The following NPR2 variants were observed in gnomAD, a reference collection of about 807,000 sequenced individuals.
NPR2 encodes the protein natriuretic peptide receptor 2.
Under a neutral mutation model 120.7 loss-of-function variants are expected in NPR2, and 49 were observed. That is an observed-to-expected ratio of 0.41 (90% CI 0.32 to 0.52). The LOEUF is 0.52. NPR2 is among the 20% of genes least tolerant of loss of function. NPR2 has a pLI of 0.36. For synonymous variants in NPR2, 484 were observed against 519.8 expected, an observed-to-expected ratio of 0.93 and a Z score of 0.94; for missense variants, 931 against 1,362.9, an observed-to-expected ratio of 0.68 and a Z score of 4.99.
chr9:35,799,590 C>A, intron 2 of NPR2, 28 bp from the exon 3 acceptor site: 2 of 1,496,222 alleles, frequency 1.3e-6, no homozygotes, highest in South Asian at 1.1e-5. Context: ...GAATCCTGTT[C>A]ACTCTTCCCC....
chr9:35,792,155 C>A lies in NPR2; in HGVS notation c.-254C>A. The A allele has an allele frequency of 8.6e-6, 4 of 466,208 alleles. No individual in the cohort carries two copies. The highest frequency in any genetic ancestry group is 3.9e-5 in the East Asian group (1 of 25,634). 28.9% of individuals were successfully genotyped at this position (466,208 alleles called of 1,614,324 possible). A position where few individuals can be genotyped will look rare whatever the true frequency, so the allele number is the denominator to read the frequency against. ...CCGCAGGCCCCCTCGGTCCCTCCCT[C>A]CCCCTGCCACCCCGTTCTCAGTCCT... On this transcript the variant is annotated 5_prime_UTR_variant, in exon 1 of 22. Transcript: ENST00000342694.
At chr9:35,804,707 T>C (rs1828300627) in intron 12 of NPR2, among the ~76,000 whole-genome samples, 1 of 152,040 alleles carries the variant, frequency 6.6e-6, no homozygotes. Context: ...TTGTTCCTCC[T>C]CTACCCCGAC....
chr9:35,793,146 G>A, intron 1 of NPR2, 71 bp downstream of exon 1: 2 of 1,446,354 alleles, frequency 1.4e-6, no homozygotes, highest in East Asian at 2.4e-5. Context: ...CAGCACTGGG[G>A]AACTGTAGAT....
At position 35,808,072 on chromosome 9, in the gene NPR2, C is replaced by T. The variant is rs1391978381; in HGVS notation, c.2713-437C>T. On this transcript the variant is annotated intron_variant, in intron 18 of 21. Transcript: ENST00000342694. The surrounding 1 kb of genome is among the most constrained non-coding windows in gnomAD (Gnocchi z 4.0). Reference sequence around the variant, plus strand: ...TCCTTAAAACAATGGCATTTATTCTCTTACATAGCTTTGGCACAATTACCA... The same window carrying T: ...TCCTTAAAACAATGGCATTTATTCTTTTACATAGCTTTGGCACAATTACCA... 2.4e-6 allele frequency: 2 copies of T among 842,436 alleles called. No individual in the cohort carries two copies. The highest frequency in any genetic ancestry group is 4.0e-6 in the Non-Finnish European group (2 of 496,642). 52.2% of individuals were successfully genotyped at this position (842,436 alleles called of 1,614,324 possible). A position where few individuals can be genotyped will look rare whatever the true frequency, so the allele number is the denominator to read the frequency against.
chr9:35,808,358 G>C lies in NPR2; in HGVS notation c.2713-151G>C. The C allele has an allele frequency of 7.0e-7, 1 of 1,436,522 alleles. No homozygotes were observed. Among genetic ancestry groups the C allele is most frequent in the Non-Finnish European group, 9.8e-7 (1 of 1,021,650 alleles). 89.0% of individuals were successfully genotyped at this position (1,436,522 alleles called of 1,614,324 possible). ...TTCCCTAGACATCTCCTCTCCCCTA[G>C]ACTCAGGACCATGGCACTTATTTTC... On this transcript the variant is annotated intron_variant, in intron 18 of 21. Coordinates refer to ENST00000342694, the MANE Select transcript of NPR2 (RefSeq NM_003995.4). This position sits in a 1 kb window ranked among gnomAD's most constrained non-coding sequence, Gnocchi z 4.0.
rs764782722 is a variant in NPR2, at chr9:35,793,828, C to T, written c.668-70C>T. On this transcript the variant is annotated intron_variant, in intron 1 of 21. Coordinates refer to ENST00000342694, the MANE Select transcript of NPR2 (RefSeq NM_003995.4). ...GCTGAAGAGGGACATCCCAGTGATT[C>T]AGAGAGGGGGCTGTGTGGGGGACCT... 134 of 1,475,706 alleles carry T rather than the reference C, an allele frequency of 9.1e-5. 1 individual carries two copies. Among genetic ancestry groups the T allele is most frequent in the Non-Finnish European group, 1.2e-4 (122 of 1,054,638 alleles). 91.4% of individuals were successfully genotyped at this position (1,475,706 alleles called of 1,614,324 possible). A position where few individuals can be genotyped will look rare whatever the true frequency, so the allele number is the denominator to read the frequency against.
At chr9:35,795,464 G>T (rs1381945460) in intron 2 of NPR2, among the ~76,000 whole-genome samples, 1 of 152,218 alleles carries the variant, frequency 6.6e-6, no homozygotes, top group African/African-American at 2.4e-5. Flanking sequence ...TAAACTCTGG[G>T]ATTATTTGGT....
At position 35,792,842 on chromosome 9, in the gene NPR2, C is replaced by G; in HGVS notation, c.434C>G (p.Ser145Cys). ...CGTACCCTGGTTCGCACTGGCCCCTCTGCTCCCAAGCTGGGTGAGTTTGTG... is the reference window on the plus strand; with the variant it reads ...CGTACCCTGGTTCGCACTGGCCCCTGTGCTCCCAAGCTGGGTGAGTTTGTG... ...HYRTLVRTGPSAPKLGEFVVT... is the reference protein window; with the variant it reads ...HYRTLVRTGPCAPKLGEFVVT... Residue 145 changes from serine to cysteine, a missense_variant, in exon 1 of 22, where the codon TCT becomes TGT. By Grantham distance (112) the Ser-to-Cys change is moderately radical. Transcript: ENST00000342694. 2 of 1,614,214 alleles carry G rather than the reference C, an allele frequency of 1.2e-6. No homozygotes were observed. The highest frequency in any genetic ancestry group is 1.3e-5 in the African/African-American group (1 of 75,042).
chr9:35,797,974 T>C (rs1248688763), intron 2 of NPR2, among the ~76,000 whole-genome samples: 6 of 152,192 alleles, frequency 3.9e-5, no homozygotes, highest in Non-Finnish European at 7.3e-5. Context: ...GGTGTGCTTG[T>C]GTGTTCTTGC....
In NPR2 at chr9:35,801,526, T is replaced by G. The variant is rs1192151175; in HGVS notation, c.1437-117T>G. 1.0e-5 allele frequency: 11 copies of G among 1,065,750 alleles called. 1 individual carries two copies. The highest frequency in any genetic ancestry group is 3.4e-5 in the Admixed American group (2 of 59,280). 66.0% of individuals were successfully genotyped at this position (1,065,750 alleles called of 1,614,324 possible). A position where few individuals can be genotyped will look rare whatever the true frequency, so the allele number is the denominator to read the frequency against. On this transcript the variant is annotated intron_variant, in intron 7 of 21. Transcript: ENST00000342694. ...TGCAGCCTTATCTTCCAGCCCTGTC[T>G]CTCAGGTGTAACAGTTGCAGCTTCA...
intron 12 of NPR2, among the ~76,000 whole-genome samples, chr9:35,804,625 A>T (rs1347556670): frequency 6.6e-6 from 1 of 152,206 alleles, no homozygotes; most frequent in African/African-American, 2.4e-5. Flanking sequence ...CTGGCTTAGC[A>T]GATTTTGTCC....
Position 35,808,265 on chromosome 9 carries a change from G to A in NPR2, c.2713-244G>A. ...GTCCATGTCCTGCTGCAGACAGGGT[G>A]TTCATTCATTCCGCAAATGTTTACT... On this transcript the variant is annotated intron_variant, in intron 18 of 21. Coordinates refer to ENST00000342694, the MANE Select transcript of NPR2 (RefSeq NM_003995.4). This position sits in a 1 kb window ranked among gnomAD's most constrained non-coding sequence, Gnocchi z 4.0. 5.0e-6 allele frequency: 8 copies of A among 1,614,144 alleles called. No homozygotes were observed. The highest frequency in any genetic ancestry group is 6.8e-6 in the Non-Finnish European group (8 of 1,179,990).
rs1244775556 is a variant in NPR2 at position 35,799,480 on chromosome 9, C to T, written c.874-138C>T. The T allele has an allele frequency of 4.3e-6, 3 of 703,106 alleles. No homozygotes were observed. The African/African-American group carries it at 5.3e-5, about 12-fold the overall frequency. The allele number at this position is 703,106 out of a possible 1,614,324, so 43.6% of individuals were successfully genotyped here. ...CACGCAGAGAGAGAGAGGTTAGTAGCCCTTTCAAAGCCTTCAGACTCACCT... is the reference window on the plus strand; with the variant it reads ...CACGCAGAGAGAGAGAGGTTAGTAGTCCTTTCAAAGCCTTCAGACTCACCT... On this transcript the variant is annotated intron_variant, in intron 2 of 21. Coordinates refer to ENST00000342694, the MANE Select transcript of NPR2 (RefSeq NM_003995.4).
chr9:35,801,205 A>G lies in NPR2; in HGVS notation c.1436+51A>G, dbSNP rs1012461071. The G allele has an allele frequency of 2.2e-6, 3 of 1,369,798 alleles. No individual in the cohort carries two copies. In the African/African-American group the frequency reaches 4.3e-5, roughly 20 times the overall value. 84.9% of individuals were successfully genotyped at this position (1,369,798 alleles called of 1,614,324 possible). On this transcript the variant is annotated intron_variant, in intron 7 of 21. Coordinates refer to ENST00000342694, the MANE Select transcript of NPR2 (RefSeq NM_003995.4). Reference sequence around the variant, plus strand: ...TACTCCCTGCCCCCATTGCCACACAACCTCTGGCTGAAGCCAGGTGGTCCC... The same window carrying G: ...TACTCCCTGCCCCCATTGCCACACAGCCTCTGGCTGAAGCCAGGTGGTCCC...
Position 35,809,651 on chromosome 9 carries a change from C to T in NPR2, c.*206C>T. 8.9e-7 allele frequency: 1 copy of T among 1,117,648 alleles called. No individual in the cohort carries two copies. Among genetic ancestry groups the T allele is most frequent in the Non-Finnish European group, 1.4e-6 (1 of 738,722 alleles). 69.2% of individuals were successfully genotyped at this position (1,117,648 alleles called of 1,614,324 possible). A position where few individuals can be genotyped will look rare whatever the true frequency, so the allele number is the denominator to read the frequency against. ...CCTCTCTGGCTTGGTCCCCTTCCTC[C>T]CTACTTTCTGTAAATATCTGTATCT... On this transcript the variant is annotated 3_prime_UTR_variant, in exon 22 of 22. Transcript: ENST00000342694. This position sits in a 1 kb window ranked among gnomAD's most constrained non-coding sequence, Gnocchi z 4.1.
chr9:35,805,527 A>C lies in NPR2; in HGVS notation c.1904A>C (p.His635Pro). The C allele has an allele frequency of 1.2e-6, 2 of 1,614,174 alleles. No individual in the cohort carries two copies. The highest frequency in any genetic ancestry group is 1.7e-6 in the Non-Finnish European group (2 of 1,180,030). ...ACCCTGCAGGGCATGGCCTTTCTCC[A>C]CAACAGCATTATTTCATCGCATGGG... ...NDLVKGMAFLHNSIISSHGSL... is the reference protein window; with the variant it reads ...NDLVKGMAFLPNSIISSHGSL... The change falls in exon 13 of 22, where the codon CAC (histidine) becomes CCC (proline). Residue 635 changes from histidine (H) to proline (P), a missense_variant. His to Pro is a moderately conservative substitution (Grantham distance 77). Coordinates refer to ENST00000342694, the MANE Select transcript of NPR2 (RefSeq NM_003995.4). This position sits in a 1 kb window ranked among gnomAD's most constrained non-coding sequence, Gnocchi z 4.9.
Position 35,808,143 on chromosome 9 carries a change from G to C in NPR2, c.2713-366G>C. 2 of 1,538,768 alleles carry C rather than the reference G, an allele frequency of 1.3e-6. No individual in the cohort carries two copies. Among genetic ancestry groups the C allele is most frequent in the Non-Finnish European group, 1.8e-6 (2 of 1,111,798 alleles). On this transcript the variant is annotated intron_variant, in intron 18 of 21. Transcript: ENST00000342694. This position sits in a 1 kb window ranked among gnomAD's most constrained non-coding sequence, Gnocchi z 4.0. ...TCCTCTCTGACAGTTTGGGCTGTCA[G>C]GTCCATTTCACTGGGCCTGCTTTAC... is the stretch of plus-strand genomic sequence containing the variant.
At position 35,808,835 on chromosome 9, in the gene NPR2, A is replaced by AT. The variant is rs1159758536; in HGVS notation, c.2969dup (p.Met990IlefsTer4). 1 of 1,602,238 alleles carries AT rather than the reference A, an allele frequency of 6.2e-7. No homozygotes were observed. Among genetic ancestry groups the AT allele is most frequent in the South Asian group, 1.1e-5 (1 of 90,810 alleles). On this transcript the variant is annotated frameshift_variant, in exon 20 of 22. Transcript: ENST00000342694. LOFTEE classifies it high-confidence loss of function. The surrounding 1 kb of genome is among the most constrained non-coding windows in gnomAD (Gnocchi z 4.0). ...AGACACAGTGAACACTGCTTCTCGA[A>AT]TGGAGTCTAATGGTCAAGGTAAGAC...
Position 35,800,346 on chromosome 9 carries a change from C to G in NPR2, c.1124-43C>G. The G allele has an allele frequency of 6.4e-7, 1 of 1,562,746 alleles. No homozygotes were observed. The highest frequency in any genetic ancestry group is 8.8e-7 in the Non-Finnish European group (1 of 1,133,254). On this transcript the variant is annotated intron_variant, in intron 4 of 21. Transcript: ENST00000342694. This position sits in a 1 kb window ranked among gnomAD's most constrained non-coding sequence, Gnocchi z 4.7. ...TAGGCATGAGTGAGTGGGAGAGGAG[C>G]CCAGGGTAGACCTCAAAGAAAGGAC...
Sources: gnomAD v4.1 joint callset for allele counts (sites outside exome capture counted in the v4.1 genomes callset) on GRCh38, gnomAD v4.1.1 for gene constraint, Gnocchi (gnomAD v3.1) non-coding constraint, MANE v1.5 for transcripts, NCBI Gene and HGNC (gene_info 2026-07-23, HGNC 2026-07-21) for gene names.